STK10: variants seen among roughly 807,000 people sequenced by gnomAD.
STK10 encodes the protein serine/threonine kinase 10.
Under a neutral mutation model 113.8 loss-of-function variants are expected in STK10, and 78 were observed. That is an observed-to-expected ratio of 0.69 (90% confidence interval 0.57 to 0.83). The LOEUF (loss-of-function observed/expected upper bound fraction) is 0.83. Ranked by LOEUF, STK10 falls within the 40% of genes least tolerant of loss-of-function variation. STK10 has a pLI of 0.00. For missense variants in STK10, 1,109 were observed against 1,280.1 expected (o/e 0.87, Z 2.04); for synonymous variants, 465 against 494.7 (o/e 0.94, Z 0.80).
intron 3 of STK10, among the ~76,000 whole-genome samples, chr5:172,122,710 G>A (rs1366444550): frequency 6.6e-6 from 1 of 152,072 alleles, no homozygotes; most frequent in Non-Finnish European, 1.5e-5. Context: ...TGCAAGCTCC[G>A]CCTCCCAGGT....
At chr5:172,048,512 G>A (rs557594188) in intron 18 of STK10, among the ~76,000 whole-genome samples, 151 of 150,926 alleles carry the variant, frequency 1.0e-3, no homozygotes, top group Non-Finnish European at 9.0e-4. Context: ...GGCCCAGAGC[G>A]GGGAAGATGG....
At chr5:172,184,479 G>A (rs934362524) in intron 1 of STK10, among the ~76,000 whole-genome samples, 1 of 152,070 alleles carries the variant, frequency 6.6e-6, no homozygotes, top group Non-Finnish European at 1.5e-5. Flanking sequence ...TTAGGTCAGA[G>A]GGGTACATGC....
At chr5:172,056,799 A>G (rs1203967131) in intron 15 of STK10, among the ~76,000 whole-genome samples, 1 of 149,340 alleles carries the variant, frequency 6.7e-6, no homozygotes, top group Non-Finnish European at 1.5e-5. Flanking sequence ...ACTTGAACCC[A>G]GGAGGTGGAG....
At chr5:172,144,356 T>C (rs887026346) in intron 2 of STK10, among the ~76,000 whole-genome samples, 15 of 151,950 alleles carry the variant, frequency 9.9e-5, no homozygotes, top group African/African-American at 3.6e-4. Flanking sequence ...AGAGATGCTG[T>C]CAGTGGGGCG....
chr5:172,104,383 C>T (rs764424351), intron 7 of STK10, among the ~76,000 whole-genome samples: 1 of 152,034 alleles, frequency 6.6e-6, no homozygotes, highest in Non-Finnish European at 1.5e-5. Context: ...AGCCATGACG[C>T]CCTAACTCGA....
At chr5:172,084,906 T>C (rs567480373) in intron 10 of STK10, among the ~76,000 whole-genome samples, 2 of 152,292 alleles carry the variant, frequency 1.3e-5, no homozygotes, top group Admixed American at 6.5e-5. Context: ...GATTTTTTGA[T>C]TTGGGATGTT....
intron 1 of STK10, among the ~76,000 whole-genome samples, chr5:172,177,277 G>C (rs1031185843): frequency 6.6e-6 from 1 of 152,146 alleles, no homozygotes; most frequent in Non-Finnish European, 1.5e-5. Context: ...GCAGGCCCTC[G>C]TTAGACACCA....
intron 12 of STK10, among the ~76,000 whole-genome samples, chr5:172,070,255 ATATATATC>A (rs948637964): frequency 1.1e-4 from 16 of 147,126 alleles, no homozygotes; most frequent in South Asian, 2.1e-4. Context: ...CCTCAAAAAA[ATATATATC>A]TATATATCTA....
chr5:172,137,963 G>A (rs1230332260), intron 2 of STK10, among the ~76,000 whole-genome samples: 1 of 150,914 alleles, frequency 6.6e-6, no homozygotes, highest in African/African-American at 2.4e-5. Context: ...CGCACTTAAT[G>A]GTGAAAGACT....
chr5:172,053,114 C>T (rs1767667300), intron 17 of STK10, 72 bp from the exon 18 acceptor site: 4 of 1,239,718 alleles, frequency 3.2e-6, no homozygotes, highest in Admixed American at 1.8e-5. Flanking sequence ...ACACACCTCA[C>T]GCTGTGGCTA....
At chr5:172,073,969 AAT>A (rs1768255778) in intron 12 of STK10, among the ~76,000 whole-genome samples, 1 of 150,138 alleles carries the variant, frequency 6.7e-6, no homozygotes, top group African/African-American at 2.4e-5. Context: ...TGTCTCAAAT[AAT>A]AATAATAATA....
At chr5:172,072,391 C>T (rs537529707) in intron 12 of STK10, among the ~76,000 whole-genome samples, 12 of 152,192 alleles carry the variant, frequency 7.9e-5, no homozygotes, top group South Asian at 4.2e-4. Flanking sequence ...CTCAGCCTCC[C>T]GAGTAGCTGG....
chr5:172,187,800 G>C lies in STK10; in HGVS notation c.156+87C>G. 8 of 1,545,622 alleles carry C rather than the reference G, an allele frequency of 5.2e-6. 1 individual carries two copies. In the Middle Eastern group the frequency reaches 7.4e-4, roughly 143 times the overall value. On this transcript the variant is annotated intron_variant, in intron 1 of 18. Transcript: ENST00000176763. This position sits in a 1 kb window ranked among gnomAD's most constrained non-coding sequence, Gnocchi z 4.6. ...CAGCGCCGGGCAGCCCTCGGAGCCGGAGCCAGGCTGGCCGGGTCCGGCTCA... is the reference window on the plus strand; with the variant it reads ...CAGCGCCGGGCAGCCCTCGGAGCCGCAGCCAGGCTGGCCGGGTCCGGCTCA...
At chr5:172,176,389 G>T (rs1285507840) in intron 1 of STK10, among the ~76,000 whole-genome samples, 3 of 152,064 alleles carry the variant, frequency 2.0e-5, no homozygotes, top group African/African-American at 7.2e-5. Flanking sequence ...TCTCAGGCTG[G>T]TCACCTCTCA....
chr5:172,165,993 A>G (rs1423871253), intron 1 of STK10, among the ~76,000 whole-genome samples: 2 of 152,002 alleles, frequency 1.3e-5, no homozygotes, highest in Non-Finnish European at 2.9e-5. Flanking sequence ...GGGTTTCTCC[A>G]TGTTGGTCAG....
Position 172,057,338 on chromosome 5 carries a change from G to A in STK10, c.2337+11C>T, listed in dbSNP as rs74374780. 5.1e-4 allele frequency: 807 copies of A among 1,579,502 alleles called. 2 individuals are homozygous for A. The highest frequency in any genetic ancestry group is 3.2e-3 in the East Asian group (139 of 43,366). On this transcript the variant is annotated intron_variant, in intron 15 of 18. Transcript: ENST00000176763. ...CAGCAGATCCGAGCCCCGTGCCACCGGCAGCCTCACCTTCTCATGCTTGCG... is the reference window on the plus strand; with the variant it reads ...CAGCAGATCCGAGCCCCGTGCCACCAGCAGCCTCACCTTCTCATGCTTGCG...
intron 2 of STK10, among the ~76,000 whole-genome samples, chr5:172,132,646 G>C (rs1003528459): frequency 6.6e-6 from 1 of 152,126 alleles, no homozygotes; most frequent in Non-Finnish European, 1.5e-5. Flanking sequence ...GGTGGCTCAC[G>C]GTTTTCCTAG....
chr5:172,179,612 C>G (rs1440332923), intron 1 of STK10, among the ~76,000 whole-genome samples: 4 of 116,982 alleles, frequency 3.4e-5, no homozygotes, highest in Admixed American at 1.6e-4. Context: ...CAGGGCCCCA[C>G]GCAGAAGCCG....
At chr5:172,154,718 G>A (rs1174806357) in intron 2 of STK10, among the ~76,000 whole-genome samples, 1 of 152,226 alleles carries the variant, frequency 6.6e-6, no homozygotes, top group Admixed American at 6.5e-5. Flanking sequence ...CAGCATGACA[G>A]TCGCAGTCTA....
Sources: allele counts gnomAD v4.1 joint callset (sites outside exome capture counted in the v4.1 genomes callset), GRCh38; gene constraint gnomAD v4.1.1; non-coding constraint Gnocchi (gnomAD v3.1); transcripts MANE v1.5; gene names NCBI Gene and HGNC (gene_info 2026-07-23, HGNC 2026-07-21).